Variants in KCNS1 observed in about 807,000 individuals in gnomAD.
KCNS1 encodes the protein potassium voltage-gated channel modifier subfamily S member 1, also known as delayed-rectifier potassium channel regulatory subunit KCNS1.
KCNS1 carries 26 observed loss-of-function variants against 33.1 expected under a neutral mutation model. That is an observed-to-expected ratio of 0.79 (90% CI 0.58 to 1.09). KCNS1 has a LOEUF of 1.09. KCNS1 is among the 50% of genes least tolerant of loss of function. The pLI is 0.00. For missense variants in KCNS1, 702 were observed against 752.4 expected, an observed-to-expected ratio of 0.93 and a Z score of 0.78; for synonymous variants, 299 against 338.8, an observed-to-expected ratio of 0.88 and a Z score of 1.29.
chr20:45,095,004 C>CA lies in KCNS1; in HGVS notation c.1446dup (p.Glu483Ter), dbSNP rs1981131734. The CA allele has an allele frequency of 1.2e-6, 2 of 1,613,848 alleles. No homozygotes were observed. The highest frequency in any genetic ancestry group is 4.5e-5 in the East Asian group (2 of 44,882). ...CCATCAATGCTGCTCAGCAAGTCCT[C>CA]AAACTCTTGGTGGTTGCTGTTGCGC... is the stretch of plus-strand genomic sequence containing the variant. On this transcript the variant is annotated frameshift_variant, in exon 4 of 4. Transcript: ENST00000537075. LOFTEE classifies it high-confidence loss of function.
intron 1 of KCNS1, among the ~76,000 whole-genome samples, chr20:45,099,634 A>T (rs1199338776): frequency 6.6e-6 from 1 of 152,116 alleles, no homozygotes; most frequent in Non-Finnish European, 1.5e-5. Flanking sequence ...GTTTATCTCC[A>T]CCCCTGACGC....
intron 3 of KCNS1, among the ~76,000 whole-genome samples, chr20:45,097,351 A>C (rs1981215747): frequency 6.6e-6 from 1 of 152,220 alleles, no homozygotes; most frequent in African/African-American, 2.4e-5. Flanking sequence ...ATATAATTTG[A>C]TGTTTGATAG....
At position 45,099,162 on chromosome 20, in the gene KCNS1, T is replaced by C. The variant is rs1349133441; in HGVS notation, c.75A>G (p.Gly25=). 4 of 1,551,120 alleles carry C rather than the reference T, an allele frequency of 2.6e-6. No homozygotes were observed. Among genetic ancestry groups the C allele is most frequent in the Non-Finnish European group, 3.5e-6 (4 of 1,146,760 alleles). ...RSKVVLPTPL[G]GRSTETFVSE... ...CAAAATGAGGATAGTAACACTTACC[T>C]CCTAGGGGTGTTGGCAGCACCACTT... Residue 25 remains glycine (G), a splice_region_variant and synonymous_variant, in exon 2 of 4, where the codon GGA becomes GGG. Coordinates refer to ENST00000537075, the MANE Select transcript of KCNS1 (RefSeq NM_001322799.2).
intron 3 of KCNS1, among the ~76,000 whole-genome samples, chr20:45,096,577 TG>T (rs1272755559): frequency 6.6e-6 from 1 of 152,180 alleles, no homozygotes; most frequent in Admixed American, 6.5e-5. Context: ...TAGCATTGTC[TG>T]GGGATTATCA....
rs941094880 is a variant in KCNS1, at chr20:45,098,881, A to C, written c.77-186T>G. ...GGACTCAGAGTCAGGCCTGGCTTTG[A>C]CTATCCTTCATCCCCATCATTTGAC... is the stretch of plus-strand genomic sequence containing the variant. On this transcript the variant is annotated intron_variant, in intron 2 of 3. Coordinates refer to ENST00000537075, the MANE Select transcript of KCNS1 (RefSeq NM_001322799.2). The surrounding 1 kb of genome is among the most constrained non-coding windows in gnomAD (Gnocchi z 5.2). 1.3e-5 allele frequency among the ~76,000 whole-genome samples: 2 copies of C among 152,072 alleles called. No individual in the cohort carries two copies. Among genetic ancestry groups the C allele is most frequent in the Non-Finnish European group, 1.5e-5 (1 of 68,004 alleles).
Position 45,092,978 on chromosome 20 carries a change from A to AT in KCNS1, c.*1891dup, listed in dbSNP as rs146195915. ...CTACTAGTCGGTAAGCTTCATGAGT[A>AT]TAGGGATATATTTTTCCACCACTGT... On this transcript the variant is annotated 3_prime_UTR_variant, in exon 4 of 4. Transcript: ENST00000537075. The AT allele has an allele frequency of 4.3e-3, 651 of 152,062 alleles. 3 individuals are homozygous for AT. The highest frequency in any genetic ancestry group is 0.015 in the African/African-American group (618 of 41,452). The allele number at this position is 152,062 out of a possible 1,614,324, so 9.4% of individuals were successfully genotyped here. A position where few individuals can be genotyped will look rare whatever the true frequency, so the allele number is the denominator to read the frequency against.
chr20:45,095,120 C>G lies in KCNS1; in HGVS notation c.1331G>C (p.Gly444Ala). 1.2e-6 allele frequency: 2 copies of G among 1,613,922 alleles called. No homozygotes were observed. Among genetic ancestry groups the G allele is most frequent in the Non-Finnish European group, 1.7e-6 (2 of 1,179,926 alleles). Residue 444 changes from glycine to alanine, a missense_variant, in exon 4 of 4, where the codon GGG becomes GCG. Transcript: ENST00000537075. ...GKLAASGCILGGILVVALPIT... is the reference protein window; with the variant it reads ...GKLAASGCILAGILVVALPIT... ...GGGGAGTGCTACCACCAGGATGCCC[C>G]CTAGGATGCAGCCTGAGGCTGCCAG...
In KCNS1 at chr20:45,092,561, C is replaced by G. The variant is rs1179285876; in HGVS notation, c.*2309G>C. 1.3e-5 allele frequency: 2 copies of G among 152,150 alleles called. No homozygotes were observed. The highest frequency in any genetic ancestry group is 4.8e-5 in the African/African-American group (2 of 41,426). The allele number at this position is 152,150 out of a possible 1,614,324, so 9.4% of individuals were successfully genotyped here. On this transcript the variant is annotated 3_prime_UTR_variant, in exon 4 of 4. Coordinates refer to ENST00000537075, the MANE Select transcript of KCNS1 (RefSeq NM_001322799.2). ...GCAGCCCTTCTGATCTGCCCCTAACCTGGGTTCAGCTGGGCCTAGATGTAA... is the reference window on the plus strand; with the variant it reads ...GCAGCCCTTCTGATCTGCCCCTAACGTGGGTTCAGCTGGGCCTAGATGTAA...
Position 45,094,537 on chromosome 20 carries a change from C to CGGTGG in KCNS1, c.*332_*333insCCACC. 1 of 223,922 alleles carries CGGTGG rather than the reference C, an allele frequency of 4.5e-6. No individual in the cohort carries two copies. The highest frequency in any genetic ancestry group is 8.8e-6 in the Non-Finnish European group (1 of 113,020). 13.9% of individuals were successfully genotyped at this position (223,922 alleles called of 1,614,324 possible). On this transcript the variant is annotated 3_prime_UTR_variant, in exon 4 of 4. Coordinates refer to ENST00000537075, the MANE Select transcript of KCNS1 (RefSeq NM_001322799.2). ...TCATCTGTGAAGTGGGGATAATTCT[C>CGGTGG]TTTCTCCAACACAAGGCCAAACATG...
In KCNS1 at chr20:45,092,547, G is replaced by A. The variant is rs1408605190; in HGVS notation, c.*2323C>T. The A allele has an allele frequency of 6.6e-6, 1 of 152,202 alleles. No individual in the cohort carries two copies. Among genetic ancestry groups the A allele is most frequent in the Non-Finnish European group, 1.5e-5 (1 of 68,056 alleles). 9.4% of individuals were successfully genotyped at this position (152,202 alleles called of 1,614,324 possible). On this transcript the variant is annotated 3_prime_UTR_variant, in exon 4 of 4. Transcript: ENST00000537075. ...TAAGGGTGCTACACGCAGCCCTTCTGATCTGCCCCTAACCTGGGTTCAGCT... is the reference window on the plus strand; with the variant it reads ...TAAGGGTGCTACACGCAGCCCTTCTAATCTGCCCCTAACCTGGGTTCAGCT...
chr20:45,098,131 C>A lies in KCNS1; in HGVS notation c.641G>T (p.Gly214Val). Residue 214 changes from glycine (G) to valine (V), a missense_variant, in exon 3 of 4, where the codon GGC becomes GTC. Physicochemically the swap from Gly to Val is moderately radical, Grantham distance 109 (BLOSUM62 -3). This residue lies in a region of KCNS1 where 374 missense variants were observed against 352.3 expected (regional missense o/e 1.06). Coordinates refer to ENST00000537075, the MANE Select transcript of KCNS1 (RefSeq NM_001322799.2). The surrounding 1 kb of genome is among the most constrained non-coding windows in gnomAD (Gnocchi z 5.2). ...GAAGAGCTTGCTCGGCAGCGAGTAG[C>A]CCGGGTTCTCCATGGTCAGCCAGAG... The part of the protein sequence containing the change: ...RRLWLTMENP[G>V]YSLPSKLFSC... 1 of 1,603,936 alleles carries A rather than the reference C, an allele frequency of 6.2e-7. No homozygotes were observed. The highest frequency in any genetic ancestry group is 1.3e-5 in the African/African-American group (1 of 74,776).
chr20:45,099,699 G>A (rs1025374961), intron 1 of KCNS1, among the ~76,000 whole-genome samples: 1 of 152,170 alleles, frequency 6.6e-6, no homozygotes, highest in Non-Finnish European at 1.5e-5. Context: ...CCTGCACAAC[G>A]TAGATAATAG....
At position 45,098,554 on chromosome 20, in the gene KCNS1, C is replaced by G; in HGVS notation, c.218G>C (p.Gly73Ala). The change falls in exon 3 of 4, where the codon GGC (glycine) becomes GCC (alanine). Residue 73 changes from glycine (G) to alanine (A), a missense_variant. This residue lies in a region of KCNS1 where 374 missense variants were observed against 352.3 expected (regional missense o/e 1.06). Coordinates refer to ENST00000537075, the MANE Select transcript of KCNS1 (RefSeq NM_001322799.2). The surrounding 1 kb of genome is among the most constrained non-coding windows in gnomAD (Gnocchi z 5.2). ...LSARALARFPGTRLGRLQAAA... is the reference protein window; with the variant it reads ...LSARALARFPATRLGRLQAAA... ...GGCCTGCAGGCGGCCCAGCCGCGTGCCCGGGAAGCGCGCCAGGGCGCGCGC... is the reference window on the plus strand; with the variant it reads ...GGCCTGCAGGCGGCCCAGCCGCGTGGCCGGGAAGCGCGCCAGGGCGCGCGC... 3 of 1,408,740 alleles carry G rather than the reference C, an allele frequency of 2.1e-6. No individual in the cohort carries two copies. In the South Asian group the frequency reaches 4.7e-5, roughly 22 times the overall value. 87.3% of individuals were successfully genotyped at this position (1,408,740 alleles called of 1,614,324 possible).
Position 45,094,577 on chromosome 20 carries a change from C to G in KCNS1, c.*293G>C. The G allele has an allele frequency of 3.0e-6, 1 of 329,704 alleles. No homozygotes were observed. Among genetic ancestry groups the G allele is most frequent in the Admixed American group, 4.5e-5 (1 of 22,362 alleles). 20.4% of individuals were successfully genotyped at this position (329,704 alleles called of 1,614,324 possible). A position where few individuals can be genotyped will look rare whatever the true frequency, so the allele number is the denominator to read the frequency against. ...GGCCAAACATGACCTGGTTCATGTA[C>G]AGGAGGTGCTCAGGAATCATTAGTA... On this transcript the variant is annotated 3_prime_UTR_variant, in exon 4 of 4. Transcript: ENST00000537075.
At chr20:45,099,099 A>C (rs1981313498) in intron 2 of KCNS1, 62 bp downstream of exon 2, 2 of 1,539,020 alleles carry the variant, frequency 1.3e-6, no homozygotes, top group South Asian at 2.4e-5. Context: ...CTACTGTGGG[A>C]TCTTGGGCCC....
chr20:45,097,665 G>C lies in KCNS1; in HGVS notation c.1107C>G (p.Leu369=), dbSNP rs1235911658. The part of the protein sequence containing the change: ...STGLRSLGAT[L]KHSYREVGIL... ...AACCTGGCCTCAGAGGCCGTACCTT[G>C]AGCGTGGCTCCCAGCGAGCGCAGCC... is the stretch of plus-strand genomic sequence containing the variant. The change falls in exon 3 of 4, where the codon CTC becomes CTG. Residue 369 remains leucine, a synonymous_variant. Transcript: ENST00000537075. 1 of 1,602,836 alleles carries C rather than the reference G, an allele frequency of 6.2e-7. No homozygotes were observed. The highest frequency in any genetic ancestry group is 1.1e-5 in the South Asian group (1 of 90,616).
intron 3 of KCNS1, 50 bp downstream of exon 3, chr20:45,097,612 G>A: frequency 2.0e-6 from 3 of 1,527,560 alleles, no homozygotes; most frequent in Non-Finnish European, 2.6e-6. Flanking sequence ...TAACCTGCCG[G>A]ATGGCTACAC....
chr20:45,095,016 GGT>G lies in KCNS1; in HGVS notation c.1433_1434del (p.Asn478ThrfsTer5). Reference sequence around the variant, plus strand: ...CTCAGCAAGTCCTCAAACTCTTGGTGGTTGCTGTTGCGCACGGCTGCCTCCAG... The same window carrying G: ...CTCAGCAAGTCCTCAAACTCTTGGTGTGCTGTTGCGCACGGCTGCCTCCAG... Reference protein sequence around the residue: ...KALEAAVRNSNHQEFEDLLSS... With the variant: ...KALEAAVRNSXHQEFEDLLSS... On this transcript the variant is annotated frameshift_variant, in exon 4 of 4. Coordinates refer to ENST00000537075, the MANE Select transcript of KCNS1 (RefSeq NM_001322799.2). LOFTEE classifies it high-confidence loss of function. The G allele has an allele frequency of 6.2e-7, 1 of 1,613,796 alleles. No homozygotes were observed. Among genetic ancestry groups the G allele is most frequent in the Non-Finnish European group, 8.5e-7 (1 of 1,179,964 alleles).
Position 45,098,623 on chromosome 20 carries a change from T to C in KCNS1, c.149A>G (p.Glu50Gly). The stretch of plus-strand genomic sequence containing the variant: ...GCCACCCACGTTCACGCGCAGCGCC[T>C]CGTCGCTTCGCCGCCAGCGGATCCC... ...DTGIRWRRSDEALRVNVGGVR... is the reference protein window; with the variant it reads ...DTGIRWRRSDGALRVNVGGVR... The change falls in exon 3 of 4, where the codon GAG (glutamate) becomes GGG (glycine). Residue 50 changes from glutamate to glycine, a missense_variant. Coordinates refer to ENST00000537075, the MANE Select transcript of KCNS1 (RefSeq NM_001322799.2). This position sits in a 1 kb window ranked among gnomAD's most constrained non-coding sequence, Gnocchi z 5.2. 2 of 1,472,042 alleles carry C rather than the reference T, an allele frequency of 1.4e-6. No individual in the cohort carries two copies. The highest frequency in any genetic ancestry group is 9.0e-7 in the Non-Finnish European group (1 of 1,112,708). 91.2% of individuals were successfully genotyped at this position (1,472,042 alleles called of 1,614,324 possible). A position where few individuals can be genotyped will look rare whatever the true frequency, so the allele number is the denominator to read the frequency against.
Sources: allele counts gnomAD v4.1 joint callset (sites outside exome capture counted in the v4.1 genomes callset), GRCh38; gene constraint gnomAD v4.1.1; regional missense constraint gnomAD v4.1.1; non-coding constraint Gnocchi (gnomAD v3.1); transcripts MANE v1.5; gene names NCBI Gene and HGNC (gene_info 2026-07-23, HGNC 2026-07-21).